ADGRV1: variants seen among roughly 807,000 people sequenced by gnomAD.
The protein encoded by ADGRV1 is adhesion G protein-coupled receptor V1.
Under a neutral mutation model 596.2 loss-of-function variants are expected in ADGRV1, and 359 were observed. That is an observed-to-expected ratio of 0.60 (90% CI 0.55 to 0.66). The LOEUF (loss-of-function observed/expected upper bound fraction) is 0.66, where lower values mean the gene tolerates loss of function less well. Among genes scored for constraint, ADGRV1 ranks in the 30% least tolerant of loss-of-function variants. The pLI is 0.00. For synonymous variants in ADGRV1, 2,681 were observed against 2,679.2 expected (o/e 1.00, Z -0.02); for missense variants, 7,274 against 7,575.6 (o/e 0.96, Z 1.48).
intron 89 of ADGRV1, among the ~76,000 whole-genome samples, chr5:91,162,388 A>G (rs1400771962): frequency 6.6e-6 from 1 of 152,140 alleles, no homozygotes; most frequent in East Asian, 1.9e-4. Context: ...GGAAGTGAGA[A>G]GAGCACCCCA....
At chr5:91,018,513 C>T (rs1199612575) in intron 85 of ADGRV1, among the ~76,000 whole-genome samples, 1 of 151,866 alleles carries the variant, frequency 6.6e-6, no homozygotes, top group East Asian at 1.9e-4. Flanking sequence ...GCTTTGGGTT[C>T]TTAGGTGTGA....
intron 38 of ADGRV1, among the ~76,000 whole-genome samples, chr5:90,708,303 C>A (rs1276559447): frequency 6.6e-6 from 1 of 151,998 alleles, no homozygotes; most frequent in Non-Finnish European, 1.5e-5. Flanking sequence ...GATTTGTGAT[C>A]ATTATTACAA....
intron 1 of ADGRV1, among the ~76,000 whole-genome samples, chr5:90,607,966 A>G (rs1370430036): frequency 2.0e-5 from 3 of 152,114 alleles, no homozygotes; most frequent in African/African-American, 7.2e-5. Context: ...TTTTTTTTAA[A>G]ATCAGTATTT....
At chr5:90,728,621 G>C (rs1046739654) in intron 48 of ADGRV1, 48 bp from the exon 49 acceptor site, 4 of 1,507,758 alleles carry the variant, frequency 2.7e-6, no homozygotes, top group Non-Finnish European at 2.7e-6. Context: ...TCTTGCAAGT[G>C]CTAAATTCCT....
chr5:91,020,862 C>T (rs1249356560), intron 85 of ADGRV1, among the ~76,000 whole-genome samples: 3 of 152,054 alleles, frequency 2.0e-5, no homozygotes, highest in African/African-American at 7.2e-5. Flanking sequence ...TTAAGGGGTA[C>T]TGACTTTGAG....
intron 86 of ADGRV1, among the ~76,000 whole-genome samples, chr5:91,076,285 C>T (rs1391007333): frequency 6.6e-6 from 1 of 152,134 alleles, no homozygotes; most frequent in Non-Finnish European, 1.5e-5. Context: ...ATTACTCATT[C>T]CCTTCTTTAT....
intron 70 of ADGRV1, among the ~76,000 whole-genome samples, chr5:90,802,199 G>C (rs1187459885): frequency 6.6e-6 from 1 of 151,824 alleles, no homozygotes; most frequent in Non-Finnish European, 1.5e-5. Flanking sequence ...TGTTTTTTTT[G>C]TTTAGTTTTG....
chr5:91,052,487 A>G (rs1307511577), intron 85 of ADGRV1, among the ~76,000 whole-genome samples: 1 of 150,484 alleles, frequency 6.6e-6, no homozygotes, highest in Non-Finnish European at 1.5e-5. Context: ...GCTGGAGTGC[A>G]GTGGCACAGT....
At position 90,686,162 on chromosome 5, in the gene ADGRV1, T is replaced by G. The variant is rs544883349; in HGVS notation, c.6490+167T>G. 4.7e-3 allele frequency among the ~76,000 whole-genome samples: 688 copies of G among 146,550 alleles called. 5 individuals are homozygous for G. The highest frequency in any genetic ancestry group is 0.025 in the South Asian group (110 of 4,488). ...GGGACAAATCTAGAGTCTTTTTTTT[T>G]GGGGGGGGGGATGGAGTCTCGCTTG... On this transcript the variant is annotated intron_variant, in intron 29 of 89. Coordinates refer to ENST00000405460, the MANE Select transcript of ADGRV1 (RefSeq NM_032119.4).
rs567460342 is a variant in ADGRV1 at position 90,757,933 on chromosome 5, G to A, written c.11940+772G>A. 6.6e-5 allele frequency among the ~76,000 whole-genome samples: 10 copies of A among 152,226 alleles called. No homozygotes were observed. In the South Asian group the frequency reaches 2.1e-3, roughly 32 times the overall value. On this transcript the variant is annotated intron_variant, in intron 57 of 89. Coordinates refer to ENST00000405460, the MANE Select transcript of ADGRV1 (RefSeq NM_032119.4). ...ACTTATTTGTTGCTCATGGGGGGCG[G>A]TAGTAAATGCTGTTAAAAGGTAAGC...
In ADGRV1 at chr5:91,072,557, A is replaced by G. The variant is rs753086027; in HGVS notation, c.18263A>G (p.Gln6088Arg). Residue 6088 changes from glutamine to arginine, a missense_variant, in exon 86 of 90, where the codon CAG becomes CGG. Transcript: ENST00000405460. ...VFIHAYQVKP[Q>R]WKAYDDVFRG... ...ATCCATGCCTACCAGGTGAAGCCAC[A>G]GTGGAAAGCATATGATGATGTCTTC... is the stretch of plus-strand genomic sequence containing the variant. The G allele has an allele frequency of 5.0e-6, 8 of 1,613,890 alleles. No individual in the cohort carries two copies. Among genetic ancestry groups the G allele is most frequent in the Non-Finnish European group, 5.9e-6 (7 of 1,179,778 alleles).
intron 70 of ADGRV1, among the ~76,000 whole-genome samples, chr5:90,794,855 G>A (rs774635132): frequency 1.2e-4 from 19 of 152,014 alleles, no homozygotes; most frequent in Non-Finnish European, 1.5e-4. Context: ...GTAGGGTGAC[G>A]CCTCACCTGG....
rs775918381 is a variant in ADGRV1, at chr5:90,651,744, G to A, written c.3416+14G>A. 3 of 1,533,994 alleles carry A rather than the reference G, an allele frequency of 2.0e-6. No individual in the cohort carries two copies. The highest frequency in any genetic ancestry group is 2.7e-6 in the Non-Finnish European group (3 of 1,112,908). Reference sequence around the variant, plus strand: ...TAATGCATTTTGGTAAGCATATGTAGATAAGGCAAGTTTAAAATTGGGTGA... The same window carrying A: ...TAATGCATTTTGGTAAGCATATGTAAATAAGGCAAGTTTAAAATTGGGTGA... On this transcript the variant is annotated intron_variant, in intron 18 of 89. Transcript: ENST00000405460.
intron 85 of ADGRV1, among the ~76,000 whole-genome samples, chr5:91,055,767 G>A (rs912093260): frequency 2.0e-5 from 3 of 152,200 alleles, no homozygotes; most frequent in African/African-American, 7.2e-5. Flanking sequence ...ATTAGTCTCT[G>A]TTCTATGTGA....
chr5:91,047,013 A>G (rs1785885990), intron 85 of ADGRV1, among the ~76,000 whole-genome samples: 1 of 152,168 alleles, frequency 6.6e-6, no homozygotes, highest in Non-Finnish European at 1.5e-5. Context: ...AAGTCAAAAA[A>G]TAATAGATAC....
chr5:91,058,285 T>G (rs1787083093), intron 85 of ADGRV1, among the ~76,000 whole-genome samples: 1 of 152,060 alleles, frequency 6.6e-6, no homozygotes, highest in Non-Finnish European at 1.5e-5. Flanking sequence ...GAACTTATTT[T>G]TTAAAGAAGG....
intron 85 of ADGRV1, among the ~76,000 whole-genome samples, chr5:91,062,572 G>A (rs1017895259): frequency 2.0e-5 from 3 of 152,026 alleles, no homozygotes; most frequent in Non-Finnish European, 4.4e-5. Context: ...GAATATTAAC[G>A]TCGTAGCACA....
At chr5:90,637,267 C>G (rs1766334199) in intron 10 of ADGRV1, among the ~76,000 whole-genome samples, 1 of 151,910 alleles carries the variant, frequency 6.6e-6, no homozygotes, top group African/African-American at 2.4e-5. Context: ...AATTTTACCC[C>G]CATCACTTAG....
At chr5:90,650,046 G>A (rs572456197) in intron 17 of ADGRV1, among the ~76,000 whole-genome samples, 3 of 149,492 alleles carry the variant, frequency 2.0e-5, no homozygotes, top group Admixed American at 2.0e-4. Context: ...TCTAGAGCTT[G>A]TGATTTTTTA....
Sources: gnomAD v4.1 joint callset for allele counts (sites outside exome capture counted in the v4.1 genomes callset) on GRCh38, gnomAD v4.1.1 for gene constraint, MANE v1.5 for transcripts, NCBI Gene and HGNC (gene_info 2026-07-23, HGNC 2026-07-21) for gene names.